Variants in MTHFD2 observed in about 807,000 individuals in gnomAD.
MTHFD2 encodes the protein bifunctional methylenetetrahydrofolate dehydrogenase/cyclohydrolase, mitochondrial.
MTHFD2 carries 26 observed loss-of-function variants against 36.8 expected under a neutral mutation model. That is an observed-to-expected ratio of 0.71 (90% CI 0.52 to 0.98). MTHFD2 has a LOEUF of 0.98. MTHFD2 is among the 50% of genes least tolerant of loss of function. The pLI is 0.00. For synonymous variants in MTHFD2, 164 were observed against 155.2 expected (o/e 1.06, Z -0.42); for missense variants, 373 against 434.0 (o/e 0.86, Z 1.25).
chr2:74,203,928 T>TAGTTTAGTTTAGTTTAG (rs1463652033), intron 1 of MTHFD2, among the ~76,000 whole-genome samples: 4 of 145,806 alleles, frequency 2.7e-5, no homozygotes, highest in African/African-American at 1.0e-4. Flanking sequence ...TAGTTTAGTT[T>TAGTTTAGTTTAGTTTAG]TTTGAGATGC....
rs552427212 is a variant in MTHFD2 at position 74,214,551 on chromosome 2, C to G, written c.*309C>G. The G allele has an allele frequency of 5.8e-6, 1 of 171,472 alleles. No homozygotes were observed. The highest frequency in any genetic ancestry group is 1.6e-4 in the East Asian group (1 of 6,450). The allele number at this position is 171,472 out of a possible 1,614,324, so 10.6% of individuals were successfully genotyped here. A position where few individuals can be genotyped will look rare whatever the true frequency, so the allele number is the denominator to read the frequency against. On this transcript the variant is annotated 3_prime_UTR_variant, in exon 8 of 8. Coordinates refer to ENST00000394053, the MANE Select transcript of MTHFD2 (RefSeq NM_006636.4). ...TTGTCAAGCACCTCAGTTACACATT[C>G]GCCTTTTCTAGGATTGCATTTCCCA...
chr2:74,210,943 C>T (rs376423377), intron 5 of MTHFD2, among the ~76,000 whole-genome samples: 63 of 152,272 alleles, frequency 4.1e-4, no homozygotes, highest in African/African-American at 1.3e-3. Context: ...TGCGCCACCA[C>T]GCCCAGCTAA....
Position 74,211,657 on chromosome 2 carries a change from G to T in MTHFD2, c.764-84G>T, listed in dbSNP as rs1694306095. On this transcript the variant is annotated intron_variant, in intron 6 of 7. Transcript: ENST00000394053. ...AAAACATGTTGATTAGTTCTTCAGG[G>T]TCTCTTGAAATTGAAGTTAGACAAG... 11 of 1,319,398 alleles carry T rather than the reference G, an allele frequency of 8.3e-6. No homozygotes were observed. The South Asian group carries it at 1.7e-4, about 20-fold the overall frequency. The allele number at this position is 1,319,398 out of a possible 1,614,324, so 81.7% of individuals were successfully genotyped here. A position where few individuals can be genotyped will look rare whatever the true frequency, so the allele number is the denominator to read the frequency against.
rs1273238169 is a variant in MTHFD2 at position 74,203,843 on chromosome 2, C to CTATTTTATTTTATTTTACTT, written c.102-1860_102-1859insTTTTATTTTATTTTACTTTA. ...TTTTACTTAAGGAAGAGATGCTCAT[C>CTATTTTATTTTATTTTACTT]TAGTTTAGTTTAGTTTAGTTTAGTT... On this transcript the variant is annotated intron_variant, in intron 1 of 7. Transcript: ENST00000394053. Among the ~76,000 whole-genome samples, 10 of 80,608 alleles carry CTATTTTATTTTATTTTACTT rather than the reference C, an allele frequency of 1.2e-4. 1 individual carries two copies. Among genetic ancestry groups the CTATTTTATTTTATTTTACTT allele is most frequent in the African/African-American group, 5.9e-4 (9 of 15,130 alleles). 52.9% of individuals were successfully genotyped at this position (80,608 alleles called of 152,430 possible). A position where few individuals can be genotyped will look rare whatever the true frequency, so the allele number is the denominator to read the frequency against.
chr2:74,215,219 T>TTGA lies in MTHFD2; in HGVS notation c.*978_*979insGAT, dbSNP rs1403443825. On this transcript the variant is annotated 3_prime_UTR_variant, in exon 8 of 8. Coordinates refer to ENST00000394053, the MANE Select transcript of MTHFD2 (RefSeq NM_006636.4). ...TTAAGAGTTTGAGTTACTATTGAAT[T>TTGA]TAATCAGACTTTCTGATTAAAGGGT... 4 of 152,592 alleles carry TTGA rather than the reference T, an allele frequency of 2.6e-5. No homozygotes were observed. The highest frequency in any genetic ancestry group is 5.9e-5 in the Non-Finnish European group (4 of 68,028). The allele number at this position is 152,592 out of a possible 1,614,324, so 9.5% of individuals were successfully genotyped here.
At chr2:74,202,687 C>T (rs888526110) in intron 1 of MTHFD2, among the ~76,000 whole-genome samples, 25 of 151,804 alleles carry the variant, frequency 1.6e-4, no homozygotes, top group Non-Finnish European at 1.9e-4. Context: ...CCACCATGCC[C>T]GGCTAATTTT....
intron 1 of MTHFD2, among the ~76,000 whole-genome samples, chr2:74,199,780 A>G (rs1694000417): frequency 6.6e-6 from 1 of 152,152 alleles, no homozygotes; most frequent in African/African-American, 2.4e-5. Flanking sequence ...AAAATTGGGA[A>G]AAATATACAG....
Position 74,207,775 on chromosome 2 carries a change from C to T in MTHFD2, c.358C>T (p.Leu120=). 2 of 1,607,662 alleles carry T rather than the reference C, an allele frequency of 1.2e-6. No homozygotes were observed. The highest frequency in any genetic ancestry group is 1.7e-6 in the Non-Finnish European group (2 of 1,174,898). ...EEELLNLINK[L]NNDDNVDGLL... ...AGAATTGTTGAATTTAATCAATAAA[C>T]TGAATAATGATGATAATGTAGATGG... is the stretch of plus-strand genomic sequence containing the variant. Residue 120 remains leucine, a synonymous_variant, in exon 3 of 8, where the codon CTG becomes TTG. Coordinates refer to ENST00000394053, the MANE Select transcript of MTHFD2 (RefSeq NM_006636.4).
intron 2 of MTHFD2, among the ~76,000 whole-genome samples, chr2:74,207,260 C>G (rs1694206412): frequency 6.6e-6 from 1 of 152,218 alleles, no homozygotes; most frequent in South Asian, 2.1e-4. Flanking sequence ...TCCCAAGTAG[C>G]TGGGACTACA....
intron 1 of MTHFD2, 110 bp downstream of exon 1, chr2:74,198,852 G>T (rs1380497447): frequency 9.4e-7 from 1 of 1,062,372 alleles, no homozygotes; most frequent in East Asian, 2.9e-5. Flanking sequence ...GAACATCTCC[G>T]CCCCGGCGGT....
At chr2:74,213,270 CTTTTTTTTTTTTTTT>C (rs10638050) in intron 7 of MTHFD2, among the ~76,000 whole-genome samples, 1 of 76,032 alleles carries the variant, frequency 1.3e-5, no homozygotes, top group Non-Finnish European at 2.3e-5. Context: ...TTTTTCTTTC[CTTTTTTTTTTTTTTT>C]TTTTTTTTTG....
At position 74,206,941 on chromosome 2, in the gene MTHFD2, T is replaced by C. The variant is rs1030708763; in HGVS notation, c.287-763T>C. ...CAGGCTGGTGTCGAACTCCCGACCT[T>C]AGGTGATCCACCTGCCTCAGGTGAT... is the stretch of plus-strand genomic sequence containing the variant. On this transcript the variant is annotated intron_variant, in intron 2 of 7. Coordinates refer to ENST00000394053, the MANE Select transcript of MTHFD2 (RefSeq NM_006636.4). Among the ~76,000 whole-genome samples the C allele has an allele frequency of 6.6e-5, 10 of 152,066 alleles. No homozygotes were observed. In the East Asian group the frequency reaches 1.4e-3, roughly 21 times the overall value.
chr2:74,207,077 G>C (rs1694200753), intron 2 of MTHFD2, among the ~76,000 whole-genome samples: 1 of 151,744 alleles, frequency 6.6e-6, no homozygotes, highest in East Asian at 1.9e-4. Context: ...CAGAAAAAAA[G>C]AACATGGATT....
At chr2:74,213,127 C>A (rs920536075) in intron 7 of MTHFD2, among the ~76,000 whole-genome samples, 11 of 152,008 alleles carry the variant, frequency 7.2e-5, no homozygotes, top group African/African-American at 2.2e-4. Flanking sequence ...TGGTCTTGAA[C>A]TCCTGGCCTC....
At chr2:74,211,619 A>T in intron 6 of MTHFD2, 122 bp from the exon 7 acceptor site, 1 of 965,634 alleles carries the variant, frequency 1.0e-6, no homozygotes, top group Non-Finnish European at 1.4e-6. Context: ...TAATATTTTT[A>T]ACAGGTTTTA....
Position 74,208,642 on chromosome 2 carries a change from T to C in MTHFD2, c.483T>C (p.Asn161=), listed in dbSNP as rs1161828432. ...DKDVDGFHVI[N]VGRMCLDQYS... is the part of the protein sequence containing the mutation. ...ATGTTGATGGCTTTCATGTAATTAA[T>C]GTAGGACGAATGTGTTTGGATCAGT... Residue 161 remains asparagine (N), a synonymous_variant, in exon 4 of 8, where the codon AAT becomes AAC. Coordinates refer to ENST00000394053, the MANE Select transcript of MTHFD2 (RefSeq NM_006636.4). 3 of 1,614,186 alleles carry C rather than the reference T, an allele frequency of 1.9e-6. No individual in the cohort carries two copies. The highest frequency in any genetic ancestry group is 2.5e-6 in the Non-Finnish European group (3 of 1,180,004).
At chr2:74,209,456 T>C (rs1694257239) in intron 4 of MTHFD2, among the ~76,000 whole-genome samples, 2 of 152,078 alleles carry the variant, frequency 1.3e-5, no homozygotes, top group African/African-American at 2.4e-5. Context: ...TTTCACCGTG[T>C]TAGCCAGGAT....
intron 2 of MTHFD2, 33 bp downstream of exon 2, chr2:74,205,922 C>A: frequency 6.3e-7 from 1 of 1,598,068 alleles, no homozygotes; most frequent in South Asian, 1.1e-5. Flanking sequence ...GACTGCGGTT[C>A]AGTTGAGGTT....
intron 4 of MTHFD2, 41 bp downstream of exon 4, chr2:74,208,762 A>G (rs1340801979): frequency 6.3e-7 from 1 of 1,596,908 alleles, no homozygotes; most frequent in South Asian, 1.1e-5. Flanking sequence ...TTAATATTAT[A>G]AAAGTAGTAC....
Sources: gnomAD v4.1 joint callset for allele counts (sites outside exome capture counted in the v4.1 genomes callset) on GRCh38, gnomAD v4.1.1 for gene constraint, MANE v1.5 for transcripts, NCBI Gene and HGNC (gene_info 2026-07-23, HGNC 2026-07-21) for gene names.